BACE2: variants seen among roughly 807,000 people sequenced by gnomAD.
BACE2 encodes the protein beta-secretase 2, also known as 56 kDa aspartic-like protease.
In BACE2, 17 loss-of-function variants were observed where a neutral mutation model predicts 46.2. The observed-to-expected ratio is 0.37, with a 90% CI of 0.25 to 0.55. The LOEUF is 0.55. Among genes scored for constraint, BACE2 ranks in the 20% least tolerant of loss-of-function variants. The probability of loss-of-function intolerance (pLI) is 0.82; values close to 1 mark genes in which losing one functional copy is unlikely to be tolerated. For missense variants in BACE2, 595 were observed against 698.1 expected, an observed-to-expected ratio of 0.85 and a Z score of 1.66; for synonymous variants, 277 against 295.9, an observed-to-expected ratio of 0.94 and a Z score of 0.66.
intron 8 of BACE2, among the ~76,000 whole-genome samples, chr21:41,267,962 T>C (rs534953736): frequency 6.6e-6 from 1 of 152,350 alleles, no homozygotes; most frequent in Non-Finnish European, 1.5e-5. Flanking sequence ...TTATAATTTT[T>C]ATCCTTGGTA....
intron 1 of BACE2, among the ~76,000 whole-genome samples, chr21:41,195,017 G>GTT (rs1985690082): frequency 6.6e-6 from 1 of 152,252 alleles, no homozygotes; most frequent in Non-Finnish European, 1.5e-5. Context: ...CCTTCACCAT[G>GTT]AGAAGAGCAC....
At chr21:41,234,103 G>A (rs1987042904) in intron 2 of BACE2, among the ~76,000 whole-genome samples, 1 of 152,138 alleles carries the variant, frequency 6.6e-6, no homozygotes, top group Admixed American at 6.5e-5. Flanking sequence ...TCAAGGGGGC[G>A]GTTTTTCCCC....
intron 1 of BACE2, among the ~76,000 whole-genome samples, chr21:41,211,576 T>C (rs1379303961): frequency 6.6e-6 from 1 of 152,258 alleles, no homozygotes; most frequent in Non-Finnish European, 1.5e-5. Context: ...CCTACAATCA[T>C]ATGTAATAAC....
chr21:41,256,060 C>T (rs1285318587), intron 7 of BACE2, among the ~76,000 whole-genome samples: 1 of 147,234 alleles, frequency 6.8e-6, no homozygotes, highest in East Asian at 2.0e-4. Context: ...GTCAGGCAAC[C>T]TTTTTTTTTT....
chr21:41,247,679 G>A (rs1263411075), intron 6 of BACE2, among the ~76,000 whole-genome samples: 1 of 152,242 alleles, frequency 6.6e-6, no homozygotes, highest in African/African-American at 2.4e-5. Flanking sequence ...TGGGGCGCTC[G>A]CACTCCCGAG....
In BACE2 at chr21:41,275,420, G is replaced by A. The variant is rs563744304; in HGVS notation, c.1353G>A (p.Glu451=). 1.6e-4 allele frequency: 261 copies of A among 1,614,202 alleles called. 4 individuals carry two copies. The South Asian group carries it at 2.3e-3, about 14-fold the overall frequency. Residue 451 remains glutamate, a synonymous_variant, in exon 9 of 9, where the codon GAG becomes GAA. Coordinates refer to ENST00000330333, the MANE Select transcript of BACE2 (RefSeq NM_012105.5). ...VSEISGPFST[E]DVASNCVPAQ... ...AAATTTCCGGGCCTTTCTCAACAGA[G>A]GATGTAGCCAGCAACTGTGTCCCCG...
chr21:41,168,786 C>T (rs1312700679), intron 1 of BACE2, among the ~76,000 whole-genome samples: 2 of 152,132 alleles, frequency 1.3e-5, no homozygotes, highest in African/African-American at 4.8e-5. Flanking sequence ...CCGGGGCGCA[C>T]TGAGGGGTGT....
chr21:41,264,299 A>G (rs1206735964), intron 8 of BACE2, among the ~76,000 whole-genome samples: 3 of 151,598 alleles, frequency 2.0e-5, no homozygotes, highest in Non-Finnish European at 2.9e-5. Context: ...CAAATATACC[A>G]TAGCCGGGCA....
chr21:41,196,014 G>A (rs973021031), intron 1 of BACE2, among the ~76,000 whole-genome samples: 1 of 152,180 alleles, frequency 6.6e-6, no homozygotes, highest in Non-Finnish European at 1.5e-5. Flanking sequence ...GCTGGGCACA[G>A]TGGCTCATGC....
chr21:41,179,438 G>A (rs370720499), intron 1 of BACE2: 25 of 1,324,744 alleles, frequency 1.9e-5, no homozygotes, highest in Admixed American at 6.5e-5. Context: ...GTGAGTGAAC[G>A]TGTCCAGGGT....
intron 1 of BACE2, chr21:41,176,914 A>G (rs1984871987): frequency 6.6e-6 from 1 of 152,222 alleles, no homozygotes; most frequent in African/African-American, 2.4e-5. Flanking sequence ...CCATTCTTCT[A>G]CACTGGTCCC....
At chr21:41,273,338 G>A (rs1369548083) in intron 8 of BACE2, among the ~76,000 whole-genome samples, 1 of 152,200 alleles carries the variant, frequency 6.6e-6, no homozygotes, top group Non-Finnish European at 1.5e-5. Flanking sequence ...TGATAGGCCT[G>A]GGAGCGCTAT....
At chr21:41,227,916 C>T (rs9982181) in intron 2 of BACE2, among the ~76,000 whole-genome samples, 20,264 of 152,124 alleles carry the variant, frequency 0.13, 1,426 homozygotes, top group Middle Eastern at 0.19. Context: ...CCCAAACAGC[C>T]CTCACCTCCA....
intron 5 of BACE2, among the ~76,000 whole-genome samples, chr21:41,244,290 C>T (rs1162144428): frequency 6.6e-6 from 1 of 152,150 alleles, no homozygotes; most frequent in Non-Finnish European, 1.5e-5. Context: ...GTAAGGAGAC[C>T]ACAAAACAGG....
At chr21:41,262,000 A>G (rs540157930) in intron 8 of BACE2, among the ~76,000 whole-genome samples, 3 of 152,302 alleles carry the variant, frequency 2.0e-5, no homozygotes, top group Admixed American at 6.5e-5. Flanking sequence ...ATATTTCATT[A>G]TGCATTCTAA....
intron 1 of BACE2, among the ~76,000 whole-genome samples, chr21:41,200,878 C>T (rs1342436365): frequency 6.6e-6 from 1 of 152,160 alleles, no homozygotes; most frequent in Non-Finnish European, 1.5e-5. Context: ...GATACGTGTC[C>T]GTTGTTTAAG....
At chr21:41,224,724 T>C (rs1304722919) in intron 1 of BACE2, among the ~76,000 whole-genome samples, 1 of 152,148 alleles carries the variant, frequency 6.6e-6, no homozygotes, top group East Asian at 1.9e-4. Flanking sequence ...AACAGCCCAA[T>C]AGCATTGGTC....
intron 7 of BACE2, chr21:41,252,653 G>A (rs1035264513): frequency 2.6e-5 from 4 of 152,194 alleles, no homozygotes; most frequent in African/African-American, 4.8e-5. Context: ...CTTCCCCAAC[G>A]CCACCAGGCC....
chr21:41,200,418 T>C (rs74829872), intron 1 of BACE2, among the ~76,000 whole-genome samples: 2,039 of 152,294 alleles, frequency 0.013, 43 homozygotes, highest in African/African-American at 0.047. Flanking sequence ...GCCAAGCGAA[T>C]GTGGACTCCG....
Sources: allele counts gnomAD v4.1 joint callset (sites outside exome capture counted in the v4.1 genomes callset), GRCh38; gene constraint gnomAD v4.1.1; transcripts MANE v1.5; gene names NCBI Gene and HGNC (gene_info 2026-07-23, HGNC 2026-07-21).